The following DLG2 variants were observed in gnomAD, a reference collection of about 807,000 sequenced individuals.
DLG2 encodes the protein discs large MAGUK scaffold protein 2, also known as disks large homolog 2.
In DLG2, 45 loss-of-function variants were observed where a neutral mutation model predicts 132.5. The ratio of observed to expected loss-of-function variants is 0.34; its 90% CI spans 0.27 to 0.44. The LOEUF (loss-of-function observed/expected upper bound fraction) is 0.44. Ranked by LOEUF, DLG2 falls within the 20% of genes least tolerant of loss-of-function variation. DLG2 has a pLI of 1.00. For missense variants in DLG2, 1,045 were observed against 1,196.9 expected, an observed-to-expected ratio of 0.87 and a Z score of 1.87; for synonymous variants, 424 against 419.6, an observed-to-expected ratio of 1.01 and a Z score of -0.13.
At chr11:83,787,663 T>C (rs537060241) in intron 17 of DLG2, among the ~76,000 whole-genome samples, 5 of 152,292 alleles carry the variant, frequency 3.3e-5, no homozygotes, top group East Asian at 1.9e-4. Flanking sequence ...ATTTCTCATA[T>C]ACAATTCTAG....
intron 8 of DLG2, among the ~76,000 whole-genome samples, chr11:84,170,663 C>A (rs1029447567): frequency 6.6e-6 from 1 of 152,134 alleles, no homozygotes; most frequent in Non-Finnish European, 1.5e-5. Context: ...GCAATATTAA[C>A]CACATCTTCA....
intron 6 of DLG2, among the ~76,000 whole-genome samples, chr11:84,577,249 T>C (rs1565349689): frequency 6.6e-6 from 1 of 152,088 alleles, no homozygotes; most frequent in South Asian, 2.1e-4. Flanking sequence ...ACTAATATGG[T>C]AAATTGGTAA....
At chr11:85,251,365 A>G (rs2076386852) in intron 4 of DLG2, among the ~76,000 whole-genome samples, 1 of 152,214 alleles carries the variant, frequency 6.6e-6, no homozygotes. Context: ...CGTTATATAT[A>G]TCCCATATAT....
At chr11:85,457,606 T>C (rs896523857) in intron 3 of DLG2, among the ~76,000 whole-genome samples, 3 of 152,234 alleles carry the variant, frequency 2.0e-5, no homozygotes, top group African/African-American at 7.2e-5. Context: ...TAGCACTCCT[T>C]TCAGGACCTA....
At chr11:84,303,418 T>C (rs1349885121) in intron 7 of DLG2, among the ~76,000 whole-genome samples, 4 of 152,196 alleles carry the variant, frequency 2.6e-5, no homozygotes, top group African/African-American at 9.7e-5. Flanking sequence ...TGGTGGTAAC[T>C]ACTGTACTCC....
chr11:85,296,730 G>C (rs1484402882), intron 3 of DLG2, among the ~76,000 whole-genome samples: 1 of 151,290 alleles, frequency 6.6e-6, no homozygotes, highest in Non-Finnish European at 1.5e-5. Context: ...AATTGGTCCA[G>C]TAAGTGACAG....
chr11:85,207,291 A>G (rs1425284804), intron 4 of DLG2, among the ~76,000 whole-genome samples: 1 of 152,172 alleles, frequency 6.6e-6, no homozygotes, highest in African/African-American at 2.4e-5. Context: ...CAAAGGCACA[A>G]TTGTGAAGCA....
chr11:84,356,069 C>T (rs899059227), intron 7 of DLG2, among the ~76,000 whole-genome samples: 1 of 152,040 alleles, frequency 6.6e-6, no homozygotes, highest in Non-Finnish European at 1.5e-5. Flanking sequence ...AGAGAAGTTT[C>T]ACAACATCAA....
chr11:83,997,311 C>T (rs2094094680), intron 11 of DLG2, among the ~76,000 whole-genome samples: 1 of 152,096 alleles, frequency 6.6e-6, no homozygotes, highest in Non-Finnish European at 1.5e-5. Flanking sequence ...ACAAACCTCA[C>T]AAAAAGACCT....
At chr11:84,088,239 T>C (rs2097024748) in intron 10 of DLG2, among the ~76,000 whole-genome samples, 1 of 152,222 alleles carries the variant, frequency 6.6e-6, no homozygotes, top group Non-Finnish European at 1.5e-5. Flanking sequence ...CATTTTCTTC[T>C]AAGACTTTTA....
At chr11:83,704,280 T>C (rs1051039158) in intron 18 of DLG2, among the ~76,000 whole-genome samples, 1 of 152,208 alleles carries the variant, frequency 6.6e-6, no homozygotes, top group Non-Finnish European at 1.5e-5. Flanking sequence ...ATAATGTAAC[T>C]AAAATGAACC....
rs543668237 is a variant in DLG2, at chr11:85,508,846, T to C, written c.40+89811A>G. 6.6e-5 allele frequency among the ~76,000 whole-genome samples: 10 copies of C among 152,176 alleles called. No homozygotes were observed. The South Asian group carries it at 1.9e-3, about 28-fold the overall frequency. ...ACCTAGCTTAGCATCTGACAGATAG[T>C]AGACAAGCAATAAACATTTATTAAC... On this transcript the variant is annotated intron_variant, in intron 3 of 27. Transcript: ENST00000376104.
At chr11:84,804,455 CT>C (rs1249288308) in intron 6 of DLG2, among the ~76,000 whole-genome samples, 1 of 152,132 alleles carries the variant, frequency 6.6e-6, no homozygotes, top group East Asian at 1.9e-4. Context: ...AATAAAACCC[CT>C]GGGCATTATA....
At chr11:85,583,120 G>GTA (rs1420782345) in intron 3 of DLG2, among the ~76,000 whole-genome samples, 11 of 57,832 alleles carry the variant, frequency 1.9e-4, no homozygotes, top group Non-Finnish European at 3.0e-4. Flanking sequence ...GTGTGTGTGT[G>GTA]TGTGTGTGTG....
chr11:84,051,619 T>C (rs2096382575), intron 11 of DLG2, among the ~76,000 whole-genome samples: 1 of 87,192 alleles, frequency 1.1e-5, no homozygotes, highest in African/African-American at 4.6e-5. Flanking sequence ...CACCGGGGCC[T>C]GTTGTGGGGT....
At chr11:85,383,966 G>A (rs1418751261) in intron 3 of DLG2, among the ~76,000 whole-genome samples, 1 of 152,112 alleles carries the variant, frequency 6.6e-6, no homozygotes, top group African/African-American at 2.4e-5. Context: ...ACTCGTCAAT[G>A]TTTGAAATGC....
At chr11:83,996,368 T>C (rs1389576406) in intron 11 of DLG2, among the ~76,000 whole-genome samples, 1 of 152,194 alleles carries the variant, frequency 6.6e-6, no homozygotes, top group African/African-American at 2.4e-5. Context: ...TTGTACACTG[T>C]TGGTGGAATG....
At chr11:84,003,681 G>T (rs1029769386) in intron 11 of DLG2, among the ~76,000 whole-genome samples, 10 of 152,110 alleles carry the variant, frequency 6.6e-5, no homozygotes, top group African/African-American at 2.4e-4. Context: ...ACCTCCACCT[G>T]GTCTCTCCCT....
intron 7 of DLG2, among the ~76,000 whole-genome samples, chr11:84,414,148 G>A (rs74659367): frequency 0.03 from 4,588 of 152,082 alleles, 129 homozygotes; most frequent in South Asian, 0.16. Context: ...CAGTTTCCTC[G>A]TCTGTAACAC....
Sources: allele counts gnomAD v4.1 joint callset (sites outside exome capture counted in the v4.1 genomes callset), GRCh38; gene constraint gnomAD v4.1.1; transcripts MANE v1.5; gene names NCBI Gene and HGNC (gene_info 2026-07-23, HGNC 2026-07-21).